CTNNA2: variants seen among roughly 807,000 people sequenced by gnomAD.
The protein encoded by CTNNA2 is catenin alpha 2.
A neutral mutation model predicts 101.0 loss-of-function variants in CTNNA2; 42 were observed. That is an observed-to-expected ratio of 0.42 (90% CI 0.32 to 0.54). The LOEUF is 0.54. CTNNA2 is among the 20% of genes least tolerant of loss of function. The pLI, the probability that CTNNA2 is intolerant of heterozygous loss-of-function variation, is 0.14. For missense variants in CTNNA2, 871 were observed against 1,223.1 expected, an observed-to-expected ratio of 0.71 and a Z score of 4.29; for synonymous variants, 450 against 456.4, an observed-to-expected ratio of 0.99 and a Z score of 0.18.
intron 2 of CTNNA2, among the ~76,000 whole-genome samples, chr2:79,695,781 G>A (rs1428501848): frequency 1.3e-5 from 2 of 151,958 alleles, no homozygotes; most frequent in Admixed American, 6.6e-5. Flanking sequence ...TGTGTATAAC[G>A]AGGGATGTCT....
chr2:80,412,404 G>A (rs1037604508), intron 8 of CTNNA2, among the ~76,000 whole-genome samples: 1 of 152,180 alleles, frequency 6.6e-6, no homozygotes. Context: ...AATTACAGCT[G>A]TGATTTTCTT....
At chr2:79,456,426 G>C (rs764287879) in intron 4 of CTNNA2, among the ~76,000 whole-genome samples, 3 of 151,990 alleles carry the variant, frequency 2.0e-5, no homozygotes, top group Admixed American at 6.6e-5. Flanking sequence ...CGAATTCAAT[G>C]CACAAATATT....
chr2:79,628,131 G>A lies in CTNNA2; in HGVS notation c.-5-23421G>A, dbSNP rs577460207. On this transcript the variant is annotated intron_variant, in intron 1 of 18. Transcript: ENST00000402739. ...CCTAGGTTTTTCCTATTCCAGAAAC[G>A]TGTTTTTTAAACACTCACATTAAAA... Among the ~76,000 whole-genome samples the A allele has an allele frequency of 2.6e-5, 4 of 152,190 alleles. No individual in the cohort carries two copies. The South Asian group carries it at 8.3e-4, about 32-fold the overall frequency.
intron 7 of CTNNA2, among the ~76,000 whole-genome samples, chr2:79,951,499 C>G (rs1688878520): frequency 6.6e-6 from 1 of 151,984 alleles, no homozygotes; most frequent in Non-Finnish European, 1.5e-5. Context: ...AACCCCATCT[C>G]TACTAAAAAT....
At chr2:79,409,706 TGTA>T (rs1678385362) in intron 4 of CTNNA2, among the ~76,000 whole-genome samples, 1 of 150,000 alleles carries the variant, frequency 6.7e-6, no homozygotes, top group Admixed American at 6.7e-5. Flanking sequence ...ACTGTAGCCT[TGTA>T]GTATAGTTTG....
rs533304341 is a variant in CTNNA2, at chr2:79,203,950, C to T, written c.-406+5874C>T. On this transcript the variant is annotated intron_variant, in intron 2 of 21. Coordinates refer to the CTNNA2 transcript ENST00000466387. Reference sequence around the variant, plus strand: ...TAGAAGTGGCTGTCACCTCTGCTGACATCCTTAGCTATAGTGTCTTTCATC... The same window carrying T: ...TAGAAGTGGCTGTCACCTCTGCTGATATCCTTAGCTATAGTGTCTTTCATC... Among the ~76,000 whole-genome samples, 8 of 152,332 alleles carry T rather than the reference C, an allele frequency of 5.3e-5. No individual in the cohort carries two copies. The South Asian group carries it at 1.5e-3, about 28-fold the overall frequency.
intron 9 of CTNNA2, among the ~76,000 whole-genome samples, chr2:80,523,246 A>T (rs972481731): frequency 6.6e-5 from 10 of 152,188 alleles, no homozygotes; most frequent in Non-Finnish European, 1.5e-4. Context: ...ATTCAAATAC[A>T]TGGGTGAGCA....
chr2:80,364,619 G>T (rs1573851422), intron 7 of CTNNA2, among the ~76,000 whole-genome samples: 2 of 107,756 alleles, frequency 1.9e-5, no homozygotes, highest in Admixed American at 1.1e-4. Context: ...TGATTTACTT[G>T]ATTTAAGTAC....
chr2:79,223,737 T>G (rs1414096011), intron 2 of CTNNA2, among the ~76,000 whole-genome samples: 2 of 152,192 alleles, frequency 1.3e-5, no homozygotes, highest in African/African-American at 2.4e-5. Context: ...AGCTGACAGT[T>G]GGTGGCACTG....
chr2:80,552,335 A>G (rs1165389252), intron 11 of CTNNA2, among the ~76,000 whole-genome samples: 2 of 151,102 alleles, frequency 1.3e-5, no homozygotes, highest in Non-Finnish European at 3.0e-5. Flanking sequence ...GGGGGGGAAG[A>G]AAAAAAAACC....
At chr2:80,153,009 C>T (rs1310824117) in intron 7 of CTNNA2, among the ~76,000 whole-genome samples, 1 of 152,198 alleles carries the variant, frequency 6.6e-6, no homozygotes, top group Non-Finnish European at 1.5e-5. Flanking sequence ...GTAAAATCAG[C>T]CATATTGACA....
intron 7 of CTNNA2, among the ~76,000 whole-genome samples, chr2:80,359,186 G>A (rs76968805): frequency 6.6e-6 from 1 of 151,778 alleles, no homozygotes; most frequent in African/African-American, 2.4e-5. Flanking sequence ...GACCAGCCTG[G>A]GCAATATGGC....
At chr2:80,369,057 C>A (rs888218238) in intron 7 of CTNNA2, among the ~76,000 whole-genome samples, 7 of 151,920 alleles carry the variant, frequency 4.6e-5, no homozygotes, top group Non-Finnish European at 8.8e-5. Context: ...CTTTGAAGAA[C>A]AGGTTCATAA....
At chr2:79,755,745 C>T (rs1201760487) in intron 3 of CTNNA2, among the ~76,000 whole-genome samples, 2 of 152,114 alleles carry the variant, frequency 1.3e-5, no homozygotes, top group Non-Finnish European at 2.9e-5. Context: ...AAGTTTAATA[C>T]ATCGTTATCA....
chr2:79,226,408 C>T (rs1278171884), intron 2 of CTNNA2, among the ~76,000 whole-genome samples: 1 of 152,078 alleles, frequency 6.6e-6, no homozygotes, highest in Non-Finnish European at 1.5e-5. Flanking sequence ...AAGTGCTTAG[C>T]ACAGTCCCTG....
At chr2:79,244,713 A>G (rs557562654) in intron 2 of CTNNA2, among the ~76,000 whole-genome samples, 1 of 152,344 alleles carries the variant, frequency 6.6e-6, no homozygotes, top group South Asian at 2.1e-4. Flanking sequence ...CAGCTATAGC[A>G]GAGCTCATTA....
chr2:80,456,160 A>G (rs555094038), intron 9 of CTNNA2, among the ~76,000 whole-genome samples: 2 of 152,178 alleles, frequency 1.3e-5, no homozygotes, highest in Non-Finnish European at 2.9e-5. Flanking sequence ...ACTGGTCTCT[A>G]TTACTAAGCC....
intron 9 of CTNNA2, among the ~76,000 whole-genome samples, chr2:80,457,961 G>A (rs987213385): frequency 7.9e-5 from 12 of 152,042 alleles, no homozygotes; most frequent in Admixed American, 2.0e-4. Flanking sequence ...TTAGTTCATC[G>A]AACAGACTAT....
chr2:80,434,774 A>G (rs1681885311), intron 9 of CTNNA2, among the ~76,000 whole-genome samples: 1 of 152,044 alleles, frequency 6.6e-6, no homozygotes, highest in Admixed American at 6.6e-5. Context: ...GCAGGAGATC[A>G]CTAGGCAGAG....
Sources: gnomAD v4.1 joint callset for allele counts (sites outside exome capture counted in the v4.1 genomes callset) on GRCh38, gnomAD v4.1.1 for gene constraint, MANE v1.5 for transcripts, NCBI Gene and HGNC (gene_info 2026-07-23, HGNC 2026-07-21) for gene names.